The following SLC30A10 variants were observed in gnomAD, a reference collection of about 807,000 sequenced individuals.
SLC30A10 encodes solute carrier family 30 member 10.
Under a neutral mutation model 21.7 loss-of-function variants are expected in SLC30A10, and 8 were observed. The ratio of observed to expected loss-of-function variants is 0.37; its 90% CI spans 0.22 to 0.67. SLC30A10 has a LOEUF of 0.67. SLC30A10 is among the 30% of genes least tolerant of loss of function. SLC30A10 has a pLI of 0.58. For synonymous variants in SLC30A10, 272 were observed against 279.4 expected (o/e 0.97, Z 0.26); for missense variants, 521 against 642.5 (o/e 0.81, Z 2.04).
intron 1 of SLC30A10, among the ~76,000 whole-genome samples, chr1:219,939,217 G>T (rs1660084966): frequency 6.6e-6 from 1 of 152,126 alleles, no homozygotes; most frequent in Admixed American, 6.5e-5. Context: ...TCTTTCAGAA[G>T]CAGGAAGGCA....
At chr1:219,949,435 T>G (rs1202715796) in intron 1 of SLC30A10, among the ~76,000 whole-genome samples, 1 of 152,116 alleles carries the variant, frequency 6.6e-6, no homozygotes, top group South Asian at 2.1e-4. Flanking sequence ...CCATAAAAAA[T>G]GATGAGTTCA....
At chr1:219,922,207 T>G (rs1369900486) in intron 2 of SLC30A10, among the ~76,000 whole-genome samples, 1,274 of 58,154 alleles carry the variant, frequency 0.022, 137 homozygotes, top group African/African-American at 0.046. Context: ...TTTTTTTTTT[T>G]TTTTTTTTTT....
chr1:219,925,649 ATAT>A (rs1444293459), intron 2 of SLC30A10, among the ~76,000 whole-genome samples: 16 of 65,934 alleles, frequency 2.4e-4, no homozygotes, highest in African/African-American at 7.7e-4. Flanking sequence ...ATATATATAT[ATAT>A]TTTTTTTTTT....
intron 1 of SLC30A10, among the ~76,000 whole-genome samples, chr1:219,941,629 A>ATTCCTTCC (rs564430936): frequency 1.0e-5 from 1 of 96,350 alleles, no homozygotes; most frequent in Non-Finnish European, 2.0e-5. Flanking sequence ...TCTTTCTTTC[A>ATTCCTTCC]TTCCTTCCTT....
Position 219,918,498 on chromosome 1 carries a change from C to T in SLC30A10, c.719-4G>A. On this transcript the variant is annotated splice_polypyrimidine_tract_variant and splice_region_variant and intron_variant, in intron 2 of 3. Coordinates refer to ENST00000366926, the MANE Select transcript of SLC30A10 (RefSeq NM_018713.3). This position sits in a 1 kb window ranked among gnomAD's most constrained non-coding sequence, Gnocchi z 4.4. ...CCCATCACATGCAAAAGTACACCTG[C>T]CAGGAAGAAAGACTACTGCAGCACA... The T allele has an allele frequency of 6.3e-7, 1 of 1,588,804 alleles. No individual in the cohort carries two copies. The highest frequency in any genetic ancestry group is 1.3e-5 in the African/African-American group (1 of 74,488).
chr1:219,929,634 C>T (rs957496175), upstream of SLC30A10, among the ~76,000 whole-genome samples: 3 of 152,134 alleles, frequency 2.0e-5, no homozygotes, highest in African/African-American at 7.2e-5. Flanking sequence ...GATTCTCCTG[C>T]CTCAGCCTCC....
chr1:219,939,001 G>A (rs1043547402), intron 1 of SLC30A10, among the ~76,000 whole-genome samples: 1 of 152,144 alleles, frequency 6.6e-6, no homozygotes, highest in African/African-American at 2.4e-5. Flanking sequence ...GTTTTTAAGA[G>A]CAATTTTTAT....
intron 1 of SLC30A10, among the ~76,000 whole-genome samples, chr1:219,944,198 A>G (rs1660155629): frequency 6.6e-6 from 1 of 151,888 alleles, no homozygotes; most frequent in African/African-American, 2.4e-5. Context: ...CTATAATCCC[A>G]GCACTTTGGG....
chr1:219,928,148 A>G lies in SLC30A10; in HGVS notation c.293T>C (p.Val98Ala). The G allele has an allele frequency of 6.4e-7, 1 of 1,562,252 alleles. No homozygotes were observed. The highest frequency in any genetic ancestry group is 8.7e-7 in the Non-Finnish European group (1 of 1,153,640). Reference protein sequence around the residue: ...FLTALCFTIFVEAVLRLARPE... With the variant: ...FLTALCFTIFAEAVLRLARPE... ...CCGGGCCAGGCGCAGCACGGCCTCC[A>G]CGAAGATGGTGAAGCAGAGCGCGGT... Residue 98 changes from valine to alanine, a missense_variant, in exon 1 of 4, where the codon GTG becomes GCG. Physicochemically the swap from Val to Ala is moderately conservative, Grantham distance 64. Coordinates refer to ENST00000366926, the MANE Select transcript of SLC30A10 (RefSeq NM_018713.3). This position sits in a 1 kb window ranked among gnomAD's most constrained non-coding sequence, Gnocchi z 6.3.
Position 219,918,522 on chromosome 1 carries a change from C to G in SLC30A10, c.719-28G>C, listed in dbSNP as rs1352885858. ...GCCAGGAAGAAAGACTACTGCAGCA[C>G]AGATGCAAATCTGGAAGCCACGTGA... On this transcript the variant is annotated intron_variant, in intron 2 of 3. Coordinates refer to ENST00000366926, the MANE Select transcript of SLC30A10 (RefSeq NM_018713.3). This position sits in a 1 kb window ranked among gnomAD's most constrained non-coding sequence, Gnocchi z 4.4. The G allele has an allele frequency of 1.3e-6, 2 of 1,548,196 alleles. No individual in the cohort carries two copies. Among genetic ancestry groups the G allele is most frequent in the East Asian group, 2.3e-5 (1 of 44,078 alleles).
chr1:219,928,006 G>A lies in SLC30A10; in HGVS notation c.435C>T (p.Leu145=). The change falls in exon 1 of 4, where the codon CTC becomes CTT. Residue 145 remains leucine, a synonymous_variant. Transcript: ENST00000366926. The surrounding 1 kb of genome is among the most constrained non-coding windows in gnomAD (Gnocchi z 6.3). ...QDCAAWFACC[L]RGRSRRLQQR... ...GCTGCAGGCGGCGACTGCGTCCCCG[G>A]AGGCAGCACGCGAACCAGGCGGCGC... The A allele has an allele frequency of 6.4e-7, 1 of 1,563,856 alleles. No individual in the cohort carries two copies. Among genetic ancestry groups the A allele is most frequent in the African/African-American group, 1.4e-5 (1 of 73,042 alleles).
upstream of SLC30A10, among the ~76,000 whole-genome samples, chr1:219,929,741 C>T (rs539573211): frequency 2.6e-5 from 4 of 152,208 alleles, no homozygotes; most frequent in South Asian, 8.3e-4. Context: ...AGGCTGGTCT[C>T]GAACTCCTGA....
chr1:219,911,149 G>GTTTTTTTTTTGTT lies in SLC30A10; in HGVS notation c.*4299_*4300insAACAAAAAAAAAA, dbSNP rs1553311741. On this transcript the variant is annotated 3_prime_UTR_variant, in exon 4 of 4. Transcript: ENST00000366926. ...ATGTTTCTTCATTTTTTCTACATCAGTTTTTTTTTTTTTTTTTTTTTTTTT... is the reference window on the plus strand; with the variant it reads ...ATGTTTCTTCATTTTTTCTACATCAGTTTTTTTTTTGTTTTTTTTTTTTTTTTTTTTTTTTTTT... Among the ~76,000 whole-genome samples the GTTTTTTTTTTGTT allele has an allele frequency of 4.0e-3, 199 of 49,360 alleles. No homozygotes were observed. Among genetic ancestry groups the GTTTTTTTTTTGTT allele is most frequent in the Non-Finnish European group, 6.0e-3 (134 of 22,404 alleles). 32.4% of individuals were successfully genotyped at this position (49,360 alleles called of 152,430 possible).
intron 1 of SLC30A10, 122 bp downstream of exon 1, chr1:219,927,679 A>AACAAC (rs879135683): frequency 8.3e-5 from 27 of 326,590 alleles, no homozygotes; most frequent in Admixed American, 2.5e-4. Flanking sequence ...CAACAACAAC[A>AACAAC]AAAAAAAAAA....
At chr1:219,925,653 T>TATATATATATATATATATATATATA in intron 2 of SLC30A10, among the ~76,000 whole-genome samples, 1 of 46,282 alleles carries the variant, frequency 2.2e-5, no homozygotes, top group Non-Finnish European at 3.6e-5. Flanking sequence ...ATATATATAT[T>TATATATATATATATATATATATATA]TTTTTTTTTT....
intron 1 of SLC30A10, among the ~76,000 whole-genome samples, chr1:219,956,800 A>T (rs558892645): frequency 1.3e-5 from 2 of 152,160 alleles, no homozygotes; most frequent in Non-Finnish European, 2.9e-5. Flanking sequence ...CTTAACTAAG[A>T]CCTATCCAGT....
chr1:219,918,202 C>T lies in SLC30A10; in HGVS notation c.958+53G>A. On this transcript the variant is annotated intron_variant, in intron 3 of 3. Transcript: ENST00000366926. This position sits in a 1 kb window ranked among gnomAD's most constrained non-coding sequence, Gnocchi z 4.4. ...CTCTTAAATAATGCTTGTCCTTTGG[C>T]CTGAATAACATTAAATTGAGAGTGG... is the stretch of plus-strand genomic sequence containing the variant. The T allele has an allele frequency of 6.3e-7, 1 of 1,590,316 alleles. No homozygotes were observed. The highest frequency in any genetic ancestry group is 1.3e-5 in the African/African-American group (1 of 74,578).
chr1:219,915,871 T>C lies in SLC30A10; in HGVS notation c.1036A>G (p.Ile346Val), dbSNP rs1659528896. The C allele has an allele frequency of 1.2e-6, 2 of 1,614,216 alleles. No homozygotes were observed. The highest frequency in any genetic ancestry group is 1.7e-5 in the Admixed American group (1 of 60,022). ...GGATACTTGATGTGCAGGGTGGCAA[T>C]AATCTTTCCACTTACAAGTTCCCAG... ...HIWELVSGKI[I>V]ATLHIKYPKD... The change falls in exon 4 of 4, where the codon ATT (isoleucine) becomes GTT (valine). Residue 346 changes from isoleucine to valine, a missense_variant. By Grantham distance (29) the Ile-to-Val change is conservative. Transcript: ENST00000366926.
chr1:219,912,660 C>T lies in SLC30A10; in HGVS notation c.*2789G>A, dbSNP rs768275950. Among the ~76,000 whole-genome samples, 30 of 152,106 alleles carry T rather than the reference C, an allele frequency of 2.0e-4. No individual in the cohort carries two copies. The highest frequency in any genetic ancestry group is 3.1e-4 in the Non-Finnish European group (21 of 68,026). On this transcript the variant is annotated 3_prime_UTR_variant, in exon 4 of 4. Transcript: ENST00000366926. ...CCATCCTGGCTAACATGGTGAAACC[C>T]GGTCTCTACTAAAAATACAAAAAAT...
Sources: allele counts gnomAD v4.1 joint callset (sites outside exome capture counted in the v4.1 genomes callset), GRCh38; gene constraint gnomAD v4.1.1; non-coding constraint Gnocchi (gnomAD v3.1); transcripts MANE v1.5; gene names NCBI Gene and HGNC (gene_info 2026-07-23, HGNC 2026-07-21).